Variants in PAK1 observed in about 807,000 individuals in gnomAD.
The protein encoded by PAK1 is serine/threonine-protein kinase PAK 1.
Under a neutral mutation model 67.4 loss-of-function variants are expected in PAK1, and 29 were observed. That is an observed-to-expected ratio of 0.43 (90% CI 0.32 to 0.59). PAK1 has a LOEUF of 0.59. Ranked by LOEUF, PAK1 falls within the 20% of genes least tolerant of loss-of-function variation. The probability of loss-of-function intolerance (pLI) is 0.07; values close to 1 mark genes in which losing one functional copy is unlikely to be tolerated. For missense variants in PAK1, 337 were observed against 670.7 expected (o/e 0.50, Z 5.50); for synonymous variants, 223 against 237.4 (o/e 0.94, Z 0.56).
chr11:77,513,736 G>A, the PAK1 span, among the ~76,000 whole-genome samples: 34 of 149,444 alleles, frequency 2.3e-4, no homozygotes, highest in South Asian at 4.9e-3. Context: ...CTGTGTGCAC[G>A]GACAAAGCAA....
At chr11:77,325,199 TAAAC>T in intron 14 of PAK1, 2 of 1,062,022 alleles carry the variant, frequency 1.9e-6, no homozygotes, top group Non-Finnish European at 2.7e-6. Flanking sequence ...CTCTGTCTAA[TAAAC>T]AAAACAGACT....
rs527648240 is a variant in PAK1 at position 77,469,687 on chromosome 11, CT to C, written c.-22+3864del. Among the ~76,000 whole-genome samples the C allele has an allele frequency of 6.1e-3, 836 of 137,268 alleles. 1 individual carries two copies. Among genetic ancestry groups the C allele is most frequent in the Non-Finnish European group, 7.8e-3 (488 of 62,392 alleles). 90.1% of individuals were successfully genotyped at this position (137,268 alleles called of 152,430 possible). Reference sequence around the variant, plus strand: ...AGAAATTAAAACATCTGTGAAGAGACTTTTTTTTTTTTTTTAATAATGGGCA... The same window carrying C: ...AGAAATTAAAACATCTGTGAAGAGACTTTTTTTTTTTTTTAATAATGGGCA... On this transcript the variant is annotated intron_variant, in intron 1 of 14. Transcript: ENST00000356341.
intron 1 of PAK1, among the ~76,000 whole-genome samples, chr11:77,393,285 AAGAGAGAGAGAG>A (rs35216521): frequency 2.1e-5 from 3 of 141,782 alleles, no homozygotes; most frequent in Non-Finnish European, 3.1e-5. Flanking sequence ...TAAAAAAAAA[AAGAGAGAGAGAG>A]AGAGAGAGAG....
chr11:77,392,408 G>A lies in PAK1; in HGVS notation c.113C>T (p.Ser38Phe). Residue 38 changes from serine to phenylalanine, a missense_variant, in exon 2 of 15, where the codon TCT becomes TTT. By Grantham distance (155) the Ser-to-Phe change is radical. Around this residue, in one of 8 missense-constraint regions of PAK1, gnomAD observed 43 missense variants for 141.5 expected, o/e 0.30. Transcript: ENST00000356341. ...SKDAGTLNHGSKPLPPNPEEK... is the reference protein window; with the variant it reads ...SKDAGTLNHGFKPLPPNPEEK... ...CTCTGGGTTTGGAGGCAGAGGTTTA[G>A]AACCATGGTTTAGGGTTCCAGCATC... 1 of 1,613,974 alleles carries A rather than the reference G, an allele frequency of 6.2e-7. No homozygotes were observed.
chr11:77,451,381 T>G (rs1452680260), intron 1 of PAK1, among the ~76,000 whole-genome samples: 1 of 152,188 alleles, frequency 6.6e-6, no homozygotes, highest in African/African-American at 2.4e-5. Flanking sequence ...CCAGCCTTGC[T>G]AAGTTCCCTC....
chr11:77,481,085 GAA>G, the PAK1 span, among the ~76,000 whole-genome samples: 3 of 152,204 alleles, frequency 2.0e-5, no homozygotes, highest in East Asian at 5.8e-4. Flanking sequence ...TATTTTAAAA[GAA>G]TGCATATTCT....
the PAK1 span, among the ~76,000 whole-genome samples, chr11:77,524,197 A>G: frequency 1.3e-5 from 2 of 152,254 alleles, no homozygotes; most frequent in Non-Finnish European, 2.9e-5. Context: ...AAAATGATCC[A>G]TTAATGTTCT....
At chr11:77,526,509 T>C in the PAK1 span, among the ~76,000 whole-genome samples, 1 of 152,210 alleles carries the variant, frequency 6.6e-6, no homozygotes, top group Non-Finnish European at 1.5e-5. Context: ...TAAAAAGATA[T>C]GTATTGTAAT....
chr11:77,517,130 A>G, the PAK1 span, among the ~76,000 whole-genome samples: 1 of 152,234 alleles, frequency 6.6e-6, no homozygotes, highest in Non-Finnish European at 1.5e-5. Context: ...GGCTCAAATA[A>G]TTTAAGGAAT....
the PAK1 span, among the ~76,000 whole-genome samples, chr11:77,518,968 T>G: frequency 2.2e-3 from 339 of 152,320 alleles, 2 homozygotes; most frequent in African/African-American, 7.9e-3. Context: ...TCCCTCTCCT[T>G]TTTCTATTTG....
At chr11:77,496,927 C>CA in the PAK1 span, among the ~76,000 whole-genome samples, 1 of 151,202 alleles carries the variant, frequency 6.6e-6, no homozygotes, top group African/African-American at 2.4e-5. Context: ...ACTATGTCTC[C>CA]AAAAAAAATA....
At chr11:77,520,834 C>T in the PAK1 span, among the ~76,000 whole-genome samples, 4 of 152,152 alleles carry the variant, frequency 2.6e-5, no homozygotes, top group South Asian at 2.1e-4. Flanking sequence ...CTAGCAAATA[C>T]GCGGGGTATG....
At chr11:77,378,999 T>G (rs1949468273) in intron 4 of PAK1, among the ~76,000 whole-genome samples, 1 of 152,168 alleles carries the variant, frequency 6.6e-6, no homozygotes, top group Non-Finnish European at 1.5e-5. Context: ...GCATAAAACC[T>G]GTGTTCTCTC....
chr11:77,436,140 G>A (rs574415378), intron 1 of PAK1, among the ~76,000 whole-genome samples: 6 of 152,164 alleles, frequency 3.9e-5, no homozygotes, highest in African/African-American at 1.4e-4. Context: ...AGGTGTTCAG[G>A]AGAAATAACA....
At chr11:77,441,200 G>A (rs1956340487) in intron 1 of PAK1, among the ~76,000 whole-genome samples, 1 of 147,638 alleles carries the variant, frequency 6.8e-6, no homozygotes, top group East Asian at 1.9e-4. Flanking sequence ...TCCAAATACC[G>A]TCTTAAAAAA....
chr11:77,458,193 T>C, intron 1 of PAK1, among the ~76,000 whole-genome samples: 1 of 152,190 alleles, frequency 6.6e-6, no homozygotes, highest in South Asian at 2.1e-4. Context: ...GGCCTTTAAT[T>C]TATCAAGACA....
At chr11:77,360,358 G>A (rs1419177343) in intron 5 of PAK1, among the ~76,000 whole-genome samples, 2 of 152,138 alleles carry the variant, frequency 1.3e-5, no homozygotes, top group Non-Finnish European at 2.9e-5. Context: ...TGAGGAATGT[G>A]AAGGAAGAGG....
the PAK1 span, among the ~76,000 whole-genome samples, chr11:77,519,050 T>C: frequency 1.3e-5 from 2 of 152,194 alleles, no homozygotes. Context: ...ATTTTCTACA[T>C]AACCACACTG....
At chr11:77,460,224 AGAAGGAAG>A (rs1197805550) in intron 1 of PAK1, among the ~76,000 whole-genome samples, 11 of 151,598 alleles carry the variant, frequency 7.3e-5, no homozygotes, top group African/African-American at 2.4e-4. Flanking sequence ...AAGAAAAAAA[AGAAGGAAG>A]GGAGGAAGGG....
Sources: gnomAD v4.1 joint callset for allele counts (sites outside exome capture counted in the v4.1 genomes callset) on GRCh38, gnomAD v4.1.1 for gene constraint, gnomAD v4.1.1 regional missense constraint, MANE v1.5 for transcripts, NCBI Gene and HGNC (gene_info 2026-07-23, HGNC 2026-07-21) for gene names.